The following CHRD variants were observed in gnomAD, a reference collection of about 807,000 sequenced individuals.
CHRD encodes the protein chordin.
Under a neutral mutation model 113.7 loss-of-function variants are expected in CHRD, and 69 were observed. That is an observed-to-expected ratio of 0.61 (90% CI 0.50 to 0.74). The LOEUF (loss-of-function observed/expected upper bound fraction) is 0.74. CHRD is among the 30% of genes least tolerant of loss of function. CHRD has a pLI of 0.00. For synonymous variants in CHRD, 561 were observed against 540.8 expected (o/e 1.04, Z -0.52); for missense variants, 1,194 against 1,295.8 (o/e 0.92, Z 1.21).
rs376411758 is a variant in CHRD at position 184,381,172 on chromosome 3, T to TG, written c.253-56dup. On this transcript the variant is annotated intron_variant, in intron 2 of 22. Coordinates refer to ENST00000204604, the Ensembl canonical transcript of CHRD. The surrounding 1 kb of genome is among the most constrained non-coding windows in gnomAD (Gnocchi z 4.7). ...GCTGACTCTGCGGGACATCCTTGCC[T>TG]GGGGGGGTCTCATCAGTTGGCATCT... The TG allele has an allele frequency of 2.1e-4, 329 of 1,597,576 alleles. No individual in the cohort carries two copies. The highest frequency in any genetic ancestry group is 5.3e-4 in the Admixed American group (32 of 60,010).
chr3:184,388,105 G>C lies in CHRD; in HGVS notation c.2554+72G>C. On this transcript the variant is annotated intron_variant, in intron 20 of 22. Coordinates refer to ENST00000204604, the Ensembl canonical transcript of CHRD. The surrounding 1 kb of genome is among the most constrained non-coding windows in gnomAD (Gnocchi z 6.1). ...AGGCTTTGTCCTGGGTGAGGGGAAG[G>C]GTGCTCAGTTAATTGAGCATTATAC... 1 of 1,328,334 alleles carries C rather than the reference G, an allele frequency of 7.5e-7. No individual in the cohort carries two copies. The highest frequency in any genetic ancestry group is 1.9e-5 in the Admixed American group (1 of 52,148). 82.3% of individuals were successfully genotyped at this position (1,328,334 alleles called of 1,614,324 possible).
intron 22 of CHRD, 53 bp downstream of exon 22, chr3:184,389,048 G>T (rs575914970): frequency 2.4e-6 from 3 of 1,267,684 alleles, no homozygotes; most frequent in Admixed American, 1.8e-5. Flanking sequence ...TCACCTGCCT[G>T]TGGGACTCCT....
Position 184,381,460 on chromosome 3 carries a change from C to T in CHRD, c.383-36C>T, listed in dbSNP as rs1431262073. The T allele has an allele frequency of 6.3e-7, 1 of 1,587,850 alleles. No homozygotes were observed. Among genetic ancestry groups the T allele is most frequent in the Non-Finnish European group, 8.6e-7 (1 of 1,167,178 alleles). Reference sequence around the variant, plus strand: ...GCGTCGGACTGGCCTTTCCCATGGCCAGCTGAAGCCCGTGTTCTTACCCCC... The same window carrying T: ...GCGTCGGACTGGCCTTTCCCATGGCTAGCTGAAGCCCGTGTTCTTACCCCC... On this transcript the variant is annotated intron_variant, in intron 3 of 22. Coordinates refer to ENST00000204604, the Ensembl canonical transcript of CHRD. This position sits in a 1 kb window ranked among gnomAD's most constrained non-coding sequence, Gnocchi z 4.7.
chr3:184,382,493 C>A, exon 7 of CHRD: 2 of 1,614,014 alleles, frequency 1.2e-6, no homozygotes, highest in Non-Finnish European at 1.7e-6. Flanking sequence ...CAGGGGAGGT[C>A]TGGGGGCCTC....
chr3:184,388,093 G>T lies in CHRD; in HGVS notation c.2554+60G>T. 1 of 1,448,688 alleles carries T rather than the reference G, an allele frequency of 6.9e-7. No individual in the cohort carries two copies. Among genetic ancestry groups the T allele is most frequent in the South Asian group, 1.2e-5 (1 of 84,364 alleles). 89.7% of individuals were successfully genotyped at this position (1,448,688 alleles called of 1,614,324 possible). ...TTGGGTTGAGGCAGGCTTTGTCCTGGGTGAGGGGAAGGGTGCTCAGTTAAT... is the reference window on the plus strand; with the variant it reads ...TTGGGTTGAGGCAGGCTTTGTCCTGTGTGAGGGGAAGGGTGCTCAGTTAAT... On this transcript the variant is annotated intron_variant, in intron 20 of 22. Coordinates refer to ENST00000204604, the Ensembl canonical transcript of CHRD. This position sits in a 1 kb window ranked among gnomAD's most constrained non-coding sequence, Gnocchi z 6.1.
At chr3:184,382,346 G>A in intron 6 of CHRD, 43 bp from the exon 7 acceptor site, 1 of 1,613,570 alleles carries the variant, frequency 6.2e-7, no homozygotes, top group East Asian at 2.2e-5. Context: ...GGCCTAGCCT[G>A]CACAGTGTCT....
In CHRD at chr3:184,383,005, T is replaced by C. The variant is rs1341652850; in HGVS notation, c.1066-11T>C. 4 of 1,612,600 alleles carry C rather than the reference T, an allele frequency of 2.5e-6. No individual in the cohort carries two copies. The highest frequency in any genetic ancestry group is 3.4e-6 in the Non-Finnish European group (4 of 1,179,466). ...CTTGCTATTGCCCATCACACCCTGC[T>C]CTGTCCCCAGGAACCAGGCTTTGCT... On this transcript the variant is annotated splice_polypyrimidine_tract_variant and intron_variant, in intron 9 of 22. Coordinates refer to ENST00000204604, the Ensembl canonical transcript of CHRD.
At chr3:184,386,347 C>A in intron 15 of CHRD, 145 bp from the exon 16 acceptor site, 1 of 1,306,360 alleles carries the variant, frequency 7.7e-7, no homozygotes, top group Non-Finnish European at 1.1e-6. Flanking sequence ...TCCCTGGCAG[C>A]TGAGATGATT....
At chr3:184,382,091 C>G (rs1265379260) in intron 6 of CHRD, 71 bp downstream of exon 6, 2 of 1,582,206 alleles carry the variant, frequency 1.3e-6, no homozygotes, top group African/African-American at 2.7e-5. Context: ...TGCATTGCCT[C>G]CCGTGGTCCT....
At position 184,382,534 on chromosome 3, in the gene CHRD, G is replaced by A. The variant is rs1314560881; in HGVS notation, c.841+4G>A. On this transcript the variant is annotated splice_donor_region_variant and intron_variant, in intron 7 of 22. Transcript: ENST00000204604. ...CGGCACCGGGCCCTGGCTGCAGGTA[G>A]GGAGCAAAGAGCCCCGGGCGTGAAG... The A allele has an allele frequency of 2.5e-6, 4 of 1,613,752 alleles. No homozygotes were observed. The highest frequency in any genetic ancestry group is 1.6e-4 in the Middle Eastern group (1 of 6,062).
exon 15 of CHRD, chr3:184,386,145 G>A: frequency 6.2e-7 from 1 of 1,614,214 alleles, no homozygotes; most frequent in Non-Finnish European, 8.5e-7. Flanking sequence ...CCCCAGAGGG[G>A]AGCTCCGAGG....
In CHRD at chr3:184,384,268, T is replaced by C. The variant is rs183619690; in HGVS notation, c.1441-269T>C. 6.6e-6 allele frequency among the ~76,000 whole-genome samples: 1 copy of C among 152,310 alleles called. No individual in the cohort carries two copies. Among genetic ancestry groups the C allele is most frequent in the African/African-American group, 2.4e-5 (1 of 41,556 alleles). On this transcript the variant is annotated intron_variant, in intron 12 of 22. Coordinates refer to ENST00000204604, the Ensembl canonical transcript of CHRD. The surrounding 1 kb of genome is among the most constrained non-coding windows in gnomAD (Gnocchi z 4.4). ...GCCTTTCCATGTGCTAGGTGCTGCATTGGTGGCCTTACATAGTTTTTGGCT... is the reference window on the plus strand; with the variant it reads ...GCCTTTCCATGTGCTAGGTGCTGCACTGGTGGCCTTACATAGTTTTTGGCT...
In CHRD at chr3:184,386,041, T is replaced by A. The variant is rs1415716139; in HGVS notation, c.1819-5T>A. 1.2e-6 allele frequency: 2 copies of A among 1,614,040 alleles called. No individual in the cohort carries two copies. Among genetic ancestry groups the A allele is most frequent in the East Asian group, 2.2e-5 (1 of 44,892 alleles). The stretch of plus-strand genomic sequence containing the variant: ...ATTCCTATCCATTGTCCTGTCTATG[T>A]GCAGGCCCAGGGTGTGGTGAAGGAC... On this transcript the variant is annotated splice_region_variant and splice_polypyrimidine_tract_variant and intron_variant, in intron 14 of 22. Coordinates refer to ENST00000204604, the Ensembl canonical transcript of CHRD.
Position 184,388,924 on chromosome 3 carries a change from G to A in CHRD, c.2741G>A (p.Cys914Tyr). Residue 914 changes from cysteine (C) to tyrosine (Y), a missense_variant, in exon 22 of 23, where the codon TGT (cysteine) becomes TAT (tyrosine). Coordinates refer to ENST00000204604, the Ensembl canonical transcript of CHRD. This position sits in a 1 kb window ranked among gnomAD's most constrained non-coding sequence, Gnocchi z 6.1. ...GTGCCTCACTGTGAGCGGGATGACT[G>A]TTCACTGCCACTGTCCTGTGGCTCG... 1 of 1,613,368 alleles carries A rather than the reference G, an allele frequency of 6.2e-7. No homozygotes were observed. The highest frequency in any genetic ancestry group is 8.5e-7 in the Non-Finnish European group (1 of 1,179,956).
In CHRD at chr3:184,384,894, C is replaced by A; in HGVS notation, c.1598-124C>A. On this transcript the variant is annotated intron_variant, in intron 13 of 22. Coordinates refer to ENST00000204604, the Ensembl canonical transcript of CHRD. This position sits in a 1 kb window ranked among gnomAD's most constrained non-coding sequence, Gnocchi z 4.4. ...GGTCTAAAACTTGCTGCTCTCCAGG[C>A]CCTGGACCTATGGACAGTGTCTTCC... 3 of 1,243,106 alleles carry A rather than the reference C, an allele frequency of 2.4e-6. No homozygotes were observed. The highest frequency in any genetic ancestry group is 3.4e-6 in the Non-Finnish European group (3 of 877,058). 77.0% of individuals were successfully genotyped at this position (1,243,106 alleles called of 1,614,324 possible).
rs778900913 is a variant in CHRD at position 184,386,058 on chromosome 3, G to A, written c.1831G>A (p.Val611Met). Residue 611 changes from valine to methionine, a missense_variant, in exon 15 of 23, where the codon GTG becomes ATG. Val to Met is a conservative substitution (Grantham distance 21). Transcript: ENST00000204604. Reference sequence around the variant, plus strand: ...TGTCTATGTGCAGGCCCAGGGTGTGGTGAAGGACCTGGAGCCGGAACTGCT... The same window carrying A: ...TGTCTATGTGCAGGCCCAGGGTGTGATGAAGGACCTGGAGCCGGAACTGCT... The A allele has an allele frequency of 1.9e-6, 3 of 1,614,082 alleles. No individual in the cohort carries two copies. Among genetic ancestry groups the A allele is most frequent in the South Asian group, 2.2e-5 (2 of 91,090 alleles).
rs553502934 is a variant in CHRD at position 184,384,102 on chromosome 3, A to G, written c.1441-435A>G. On this transcript the variant is annotated intron_variant, in intron 12 of 22. Transcript: ENST00000204604. The surrounding 1 kb of genome is among the most constrained non-coding windows in gnomAD (Gnocchi z 4.4). The stretch of plus-strand genomic sequence containing the variant: ...ATTTGACATTTTTAGTGAGCCCCAG[A>G]CTAGGGACTAGAGTACAAAGCAAAT... 1.3e-5 allele frequency among the ~76,000 whole-genome samples: 2 copies of G among 152,232 alleles called. No individual in the cohort carries two copies. The highest frequency in any genetic ancestry group is 3.9e-4 in the East Asian group (2 of 5,162).
chr3:184,387,257 GC>G lies in CHRD; in HGVS notation c.2348-112del. 3.8e-6 allele frequency: 5 copies of G among 1,316,198 alleles called. No individual in the cohort carries two copies. Among genetic ancestry groups the G allele is most frequent in the South Asian group, 1.3e-5 (1 of 76,330 alleles). 81.5% of individuals were successfully genotyped at this position (1,316,198 alleles called of 1,614,324 possible). A position where few individuals can be genotyped will look rare whatever the true frequency, so the allele number is the denominator to read the frequency against. On this transcript the variant is annotated intron_variant, in intron 18 of 22. Transcript: ENST00000204604. The surrounding 1 kb of genome is among the most constrained non-coding windows in gnomAD (Gnocchi z 6.1). ...CTGACAGGACTCATTAGTGTTACTGGCCCCCAGGTGGGCCCTTGGCTTAGGC... is the reference window on the plus strand; with the variant it reads ...CTGACAGGACTCATTAGTGTTACTGGCCCCAGGTGGGCCCTTGGCTTAGGC...
In CHRD at chr3:184,387,408, A is replaced by T; in HGVS notation, c.2382A>T (p.Ala794=). The change falls in exon 19 of 23, where the codon GCA becomes GCT. Residue 794 remains alanine (A), a synonymous_variant. Coordinates refer to ENST00000204604, the Ensembl canonical transcript of CHRD. This position sits in a 1 kb window ranked among gnomAD's most constrained non-coding sequence, Gnocchi z 6.1. The stretch of plus-strand genomic sequence containing the variant: ...TTGATGGTGACCGGAGCTGGCGGGC[A>T]GCGGGTACGCGGTGGCACCCCGTTG... 6.2e-7 allele frequency: 1 copy of T among 1,613,094 alleles called. No homozygotes were observed. Among genetic ancestry groups the T allele is most frequent in the Non-Finnish European group, 8.5e-7 (1 of 1,179,620 alleles).
Sources: allele counts gnomAD v4.1 joint callset (sites outside exome capture counted in the v4.1 genomes callset), GRCh38; gene constraint gnomAD v4.1.1; non-coding constraint Gnocchi (gnomAD v3.1); transcripts MANE v1.5; gene names NCBI Gene and HGNC (gene_info 2026-07-23, HGNC 2026-07-21).